LSAMP: variants seen among roughly 807,000 people sequenced by gnomAD.
LSAMP encodes limbic system-associated membrane protein.
A neutral mutation model predicts 38.6 loss-of-function variants in LSAMP; 7 were observed. The ratio of observed to expected loss-of-function variants is 0.18; its 90% CI spans 0.10 to 0.34. LSAMP has a LOEUF of 0.34. LSAMP is among the 10% of genes least tolerant of loss of function. The pLI, the probability that LSAMP is intolerant of heterozygous loss-of-function variation, is 1.00. For missense variants in LSAMP, 313 were observed against 420.0 expected, an observed-to-expected ratio of 0.75 and a Z score of 2.23; for synonymous variants, 154 against 166.8, an observed-to-expected ratio of 0.92 and a Z score of 0.59.
At position 115,997,879 on chromosome 3, in the gene LSAMP, CATTATTATAT is replaced by C. The variant is rs1397627902; in HGVS notation, c.514+21626_514+21635del. 9.8e-5 allele frequency among the ~76,000 whole-genome samples: 14 copies of C among 143,266 alleles called. No homozygotes were observed. In the East Asian group the frequency reaches 2.6e-3, roughly 26 times the overall value. 94.0% of individuals were successfully genotyped at this position (143,266 alleles called of 152,430 possible). A position where few individuals can be genotyped will look rare whatever the true frequency, so the allele number is the denominator to read the frequency against. On this transcript the variant is annotated intron_variant, in intron 3 of 6. Coordinates refer to ENST00000490035, the MANE Select transcript of LSAMP (RefSeq NM_002338.5). ...TTTATATATTAGAATATACAATATA[CATTATTATAT>C]ATTCTAATATATAAAATACATATAT...
intron 1 of LSAMP, among the ~76,000 whole-genome samples, chr3:116,370,587 A>C (rs2048417388): frequency 6.6e-6 from 1 of 152,164 alleles, no homozygotes; most frequent in Non-Finnish European, 1.5e-5. Flanking sequence ...CAGCATGCAC[A>C]CATTTTGTGG....
chr3:116,316,800 A>AAG (rs2047635376), intron 1 of LSAMP, among the ~76,000 whole-genome samples: 1 of 150,984 alleles, frequency 6.6e-6, no homozygotes, highest in African/African-American at 2.5e-5. Context: ...AAAAAAGAGA[A>AAG]AGAAAGAAAG....
chr3:116,095,864 T>C (rs910585812), intron 1 of LSAMP, among the ~76,000 whole-genome samples: 1 of 152,182 alleles, frequency 6.6e-6, no homozygotes, highest in African/African-American at 2.4e-5. Context: ...GGAAAAGTTA[T>C]GGGTTCAGTA....
intron 2 of LSAMP, among the ~76,000 whole-genome samples, chr3:116,035,133 TG>T (rs1296672220): frequency 6.6e-6 from 1 of 152,172 alleles, no homozygotes; most frequent in Non-Finnish European, 1.5e-5. Flanking sequence ...TTATTATAGA[TG>T]TTTTTTAAAG....
At chr3:116,227,112 T>C (rs1028771063) in intron 1 of LSAMP, among the ~76,000 whole-genome samples, 9 of 152,166 alleles carry the variant, frequency 5.9e-5, no homozygotes, top group African/African-American at 1.7e-4. Context: ...TATTATCACA[T>C]AGTCACTTTT....
At chr3:115,957,299 A>G (rs994149715) in intron 3 of LSAMP, among the ~76,000 whole-genome samples, 1 of 152,242 alleles carries the variant, frequency 6.6e-6, no homozygotes, top group Non-Finnish European at 1.5e-5. Context: ...TAAAGCCACT[A>G]CACAAATGGC....
At chr3:116,088,815 G>A (rs970962496) in intron 1 of LSAMP, among the ~76,000 whole-genome samples, 4 of 152,028 alleles carry the variant, frequency 2.6e-5, no homozygotes, top group Non-Finnish European at 5.9e-5. Flanking sequence ...TATGGCCTGT[G>A]AATCCAATAA....
chr3:116,215,373 G>A (rs1193156324), intron 1 of LSAMP, among the ~76,000 whole-genome samples: 2 of 152,098 alleles, frequency 1.3e-5, no homozygotes, highest in East Asian at 1.9e-4. Context: ...GTGAGTGCAA[G>A]TGATACCTGC....
intron 3 of LSAMP, among the ~76,000 whole-genome samples, chr3:115,997,737 T>C (rs192811386): frequency 2.4e-5 from 2 of 83,108 alleles, no homozygotes; most frequent in African/African-American, 9.9e-5. Context: ...TATATATATA[T>C]ATATATATAT....
At chr3:116,166,699 C>T (rs1326700783) in intron 1 of LSAMP, among the ~76,000 whole-genome samples, 1 of 151,858 alleles carries the variant, frequency 6.6e-6, no homozygotes, top group Non-Finnish European at 1.5e-5. Context: ...CATTTAGAAT[C>T]CATTTGCAGA....
rs758976584 is a variant in LSAMP at position 116,005,582 on chromosome 3, C to A, written c.514+13933G>T. ...CACTAGCCTCAGCAGAGCCCGTGAT[C>A]CACTCTGACACGCAGCAGCTGAGTC... On this transcript the variant is annotated intron_variant, in intron 3 of 6. Transcript: ENST00000490035. 2.2e-4 allele frequency among the ~76,000 whole-genome samples: 33 copies of A among 152,178 alleles called. 1 individual carries two copies. The highest frequency in any genetic ancestry group is 3.1e-4 in the Non-Finnish European group (21 of 68,034).
chr3:115,908,086 G>GAT lies in LSAMP; in HGVS notation c.515-55471_515-55470dup, dbSNP rs71616334. Among the ~76,000 whole-genome samples the GAT allele has an allele frequency of 2.8e-3, 423 of 150,918 alleles. 2 individuals are homozygous for GAT. The highest frequency in any genetic ancestry group is 6.2e-3 in the African/African-American group (255 of 41,194). On this transcript the variant is annotated intron_variant, in intron 3 of 6. Coordinates refer to ENST00000490035, the MANE Select transcript of LSAMP (RefSeq NM_002338.5). ...TTGACCATACAGGGAAGATAAGAAAGATATATATATATATCTTATAATATG... is the reference window on the plus strand; with the variant it reads ...TTGACCATACAGGGAAGATAAGAAAGATATATATATATATATCTTATAATATG...
chr3:116,326,153 C>T (rs888928619), intron 1 of LSAMP, among the ~76,000 whole-genome samples: 13 of 151,946 alleles, frequency 8.6e-5, no homozygotes, highest in African/African-American at 3.1e-4. Context: ...CATTTTAATT[C>T]AATCATTAAG....
chr3:115,831,249 G>T (rs1934598769), intron 6 of LSAMP, among the ~76,000 whole-genome samples: 1 of 152,116 alleles, frequency 6.6e-6, no homozygotes, highest in African/African-American at 2.4e-5. Flanking sequence ...GTTCACTTGG[G>T]ATAAATAATC....
intron 1 of LSAMP, among the ~76,000 whole-genome samples, chr3:116,432,093 T>A (rs2049288717): frequency 6.6e-6 from 1 of 151,874 alleles, no homozygotes; most frequent in Non-Finnish European, 1.5e-5. Context: ...AACATACTAA[T>A]CAAAAAAATT....
chr3:115,997,757 CACACAT>C (rs1354851000), intron 3 of LSAMP, among the ~76,000 whole-genome samples: 6 of 131,634 alleles, frequency 4.6e-5, no homozygotes, highest in African/African-American at 1.7e-4. Context: ...TATATATACA[CACACAT>C]ACATACACAC....
intron 1 of LSAMP, among the ~76,000 whole-genome samples, chr3:116,132,263 G>T (rs1332919214): frequency 2.0e-5 from 3 of 150,882 alleles, no homozygotes; most frequent in Non-Finnish European, 2.9e-5. Context: ...AGTCTAAATG[G>T]CTCCAAATTA....
intron 1 of LSAMP, among the ~76,000 whole-genome samples, chr3:116,428,225 C>T (rs144570405): frequency 1.3e-5 from 2 of 151,832 alleles, no homozygotes; most frequent in East Asian, 1.9e-4. Context: ...TTTGAGAGGC[C>T]GAGGCAGGCA....
intron 3 of LSAMP, among the ~76,000 whole-genome samples, chr3:115,876,256 T>TA (rs57144373): frequency 2.3e-3 from 310 of 135,436 alleles, no homozygotes; most frequent in African/African-American, 5.7e-3. Context: ...TGTTCTGATT[T>TA]AAAAAAAAAA....
Sources: allele counts gnomAD v4.1 joint callset (sites outside exome capture counted in the v4.1 genomes callset), GRCh38; gene constraint gnomAD v4.1.1; transcripts MANE v1.5; gene names NCBI Gene and HGNC (gene_info 2026-07-23, HGNC 2026-07-21).